Variants in IL1RAPL1 observed in about 807,000 individuals in gnomAD.
IL1RAPL1 encodes the protein interleukin 1 receptor accessory protein like 1, also known as interleukin-1 receptor accessory protein-like 1.
IL1RAPL1 carries 3 observed loss-of-function variants against 48.4 expected under a neutral mutation model. The observed-to-expected ratio is 0.06, with a 90% confidence interval of 0.03 to 0.16. The LOEUF (loss-of-function observed/expected upper bound fraction) is 0.16, where lower values mean the gene tolerates loss of function less well. Ranked by LOEUF, IL1RAPL1 falls within the 10% of genes least tolerant of loss-of-function variation. The pLI is 1.00. For missense variants in IL1RAPL1, 349 were observed against 530.6 expected, an observed-to-expected ratio of 0.66 and a Z score of 3.36; for synonymous variants, 185 against 187.7, an observed-to-expected ratio of 0.99 and a Z score of 0.12.
At chrX:29,548,416 A>G (rs12008170) in intron 5 of IL1RAPL1, among the ~76,000 whole-genome samples, 5,458 of 111,973 alleles carry the variant, frequency 0.049, 174 homozygotes, top group African/African-American at 0.12. Context: ...TTTTAAGTTT[A>G]GCTGTTTGAG....
intron 6 of IL1RAPL1, among the ~76,000 whole-genome samples, chrX:29,912,956 T>C (rs1174980855): frequency 8.9e-6 from 1 of 112,219 alleles, no homozygotes; most frequent in Non-Finnish European, 1.9e-5. Context: ...CTGGTTCTTA[T>C]TGAGATTCAG....
At chrX:29,266,386 A>G (rs1337480969) in intron 2 of IL1RAPL1, among the ~76,000 whole-genome samples, 2 of 112,030 alleles carry the variant, frequency 1.8e-5, no homozygotes, top group Non-Finnish European at 3.8e-5. Context: ...ACAAAGGTCA[A>G]TTGTGCGAGA....
chrX:29,926,744 A>C (rs1601887166), intron 8 of IL1RAPL1, among the ~76,000 whole-genome samples: 1 of 111,397 alleles, frequency 9.0e-6, no homozygotes, highest in African/African-American at 3.3e-5. Flanking sequence ...TCTGCCCACT[A>C]CATGTCAATA....
chrX:29,133,775 C>A (rs1929071191), intron 2 of IL1RAPL1, among the ~76,000 whole-genome samples: 2 of 111,613 alleles, frequency 1.8e-5, no homozygotes, highest in Admixed American at 9.6e-5. Context: ...TGTCATGTGT[C>A]ACCATTACAG....
rs1321469789 is a variant in IL1RAPL1, at chrX:29,370,216, C to CT, written c.363-26033dup. ...TGCTTAATTAATATTCGGCTATTGG[C>CT]TTTTTTTTTCTCAGAACAGTAATAG... On this transcript the variant is annotated intron_variant, in intron 3 of 10. Coordinates refer to ENST00000378993, the MANE Select transcript of IL1RAPL1 (RefSeq NM_014271.4). 1.5e-3 allele frequency among the ~76,000 whole-genome samples: 166 copies of CT among 108,748 alleles called. 1 individual carries two copies. The highest frequency in any genetic ancestry group is 3.3e-3 in the Admixed American group (33 of 10,081). The allele number at this position is 108,748 out of a possible 115,157, so 94.4% of individuals were successfully genotyped here. A position where few individuals can be genotyped will look rare whatever the true frequency, so the allele number is the denominator to read the frequency against.
intron 2 of IL1RAPL1, among the ~76,000 whole-genome samples, chrX:29,009,600 G>T (rs182480611): frequency 9.0e-6 from 1 of 111,699 alleles, no homozygotes; most frequent in African/African-American, 3.2e-5. Context: ...TTTCTATTCT[G>T]TTCCATTGGT....
intron 6 of IL1RAPL1, among the ~76,000 whole-genome samples, chrX:29,686,344 T>C (rs4829264): frequency 0.012 from 1,326 of 110,741 alleles, 10 homozygotes; most frequent in Middle Eastern, 0.038. Flanking sequence ...AGAAGTATCA[T>C]GATATAAGCC....
chrX:29,511,330 C>A (rs1469406237), intron 5 of IL1RAPL1, among the ~76,000 whole-genome samples: 1 of 111,742 alleles, frequency 8.9e-6, no homozygotes, highest in African/African-American at 3.2e-5. Flanking sequence ...TCTGTATAAA[C>A]CCTGGTTTGC....
At chrX:29,889,070 AT>A (rs1378478307) in intron 6 of IL1RAPL1, among the ~76,000 whole-genome samples, 1 of 111,715 alleles carries the variant, frequency 9.0e-6, no homozygotes, top group Non-Finnish European at 1.9e-5. Flanking sequence ...AATGCTTATA[AT>A]TTTTTCTATA....
intron 3 of IL1RAPL1, among the ~76,000 whole-genome samples, chrX:29,308,007 A>G (rs1294427395): frequency 2.7e-5 from 3 of 112,178 alleles, no homozygotes. Flanking sequence ...TATTCAGTCC[A>G]TAACACTCTC....
chrX:29,705,307 T>C (rs1414951750), intron 6 of IL1RAPL1, among the ~76,000 whole-genome samples: 1 of 111,733 alleles, frequency 8.9e-6, no homozygotes, highest in East Asian at 2.8e-4. Flanking sequence ...CTCTGCCTCC[T>C]GGGTTTGAGT....
chrX:29,744,706 TAA>T (rs1928289443), intron 6 of IL1RAPL1, among the ~76,000 whole-genome samples: 1 of 112,241 alleles, frequency 8.9e-6, no homozygotes. Context: ...TTCAATTATA[TAA>T]TAAATAAAAG....
intron 5 of IL1RAPL1, among the ~76,000 whole-genome samples, chrX:29,463,220 A>T (rs5971496): frequency 0.47 from 51,072 of 109,592 alleles, 8,785 homozygotes; most frequent in East Asian, 0.75. Context: ...CACATTATGA[A>T]TCCAAAGAAA....
intron 5 of IL1RAPL1, among the ~76,000 whole-genome samples, chrX:29,443,676 T>C (rs530741470): frequency 8.9e-6 from 1 of 112,067 alleles, no homozygotes; most frequent in African/African-American, 3.2e-5. Context: ...TAGTAACTTA[T>C]ATAATAATCA....
chrX:28,932,495 T>C (rs1923911143), intron 2 of IL1RAPL1, among the ~76,000 whole-genome samples: 2 of 111,790 alleles, frequency 1.8e-5, no homozygotes, highest in Admixed American at 1.9e-4. Flanking sequence ...AAATACATCT[T>C]CAAATTCAAG....
chrX:29,312,666 A>G (rs1932743273), intron 3 of IL1RAPL1, among the ~76,000 whole-genome samples: 2 of 111,499 alleles, frequency 1.8e-5, no homozygotes, highest in Admixed American at 9.5e-5. Context: ...TTCCTGTTCT[A>G]ACTTCTTCAT....
At chrX:29,591,475 G>A (rs1252657363) in intron 5 of IL1RAPL1, among the ~76,000 whole-genome samples, 4 of 112,533 alleles carry the variant, frequency 3.6e-5, no homozygotes, top group Non-Finnish European at 7.5e-5. Flanking sequence ...CTTAGACAGA[G>A]GTAGAGGGAG....
intron 1 of IL1RAPL1, among the ~76,000 whole-genome samples, chrX:28,650,707 A>G (rs1488176781): frequency 9.0e-6 from 1 of 111,656 alleles, no homozygotes; most frequent in Admixed American, 9.5e-5. Flanking sequence ...ACTTTATTAG[A>G]AGAGAGGAAG....
chrX:28,706,833 T>C (rs1569155466), intron 1 of IL1RAPL1, among the ~76,000 whole-genome samples: 1 of 112,344 alleles, frequency 8.9e-6, no homozygotes, highest in East Asian at 2.8e-4. Flanking sequence ...TTAAGTGTTT[T>C]AAATTATGTA....
Sources: gnomAD v4.1 joint callset for allele counts (sites outside exome capture counted in the v4.1 genomes callset) on GRCh38, gnomAD v4.1.1 for gene constraint, MANE v1.5 for transcripts, NCBI Gene and HGNC (gene_info 2026-07-23, HGNC 2026-07-21) for gene names.